The following EGFL8 variants were observed in gnomAD, a reference collection of about 807,000 sequenced individuals.
The protein encoded by EGFL8 is epidermal growth factor-like protein 8.
EGFL8 carries 32 observed loss-of-function variants against 39.4 expected under a neutral mutation model. That is an observed-to-expected ratio of 0.81 (90% CI 0.61 to 1.09). The LOEUF (loss-of-function observed/expected upper bound fraction) is 1.09. EGFL8 is among the 50% of genes least tolerant of loss of function. The probability of loss-of-function intolerance (pLI) is 0.00; values close to 1 mark genes in which losing one functional copy is unlikely to be tolerated. For synonymous variants in EGFL8, 177 were observed against 168.5 expected, an observed-to-expected ratio of 1.05 and a Z score of -0.39; for missense variants, 385 against 402.2, an observed-to-expected ratio of 0.96 and a Z score of 0.37.
At position 32,166,979 on chromosome 6, in the gene EGFL8, G is replaced by T. The variant is rs899336665; in HGVS notation, c.404G>T (p.Gly135Val). The change falls in exon 5 of 9, where the codon GGC becomes GTC. Residue 135 changes from glycine (G) to valine (V), a missense_variant. Coordinates refer to ENST00000333845, the MANE Select transcript of EGFL8 (RefSeq NM_030652.4). The surrounding 1 kb of genome is among the most constrained non-coding windows in gnomAD (Gnocchi z 7.3). ...CCTGACCAGTGCGAGTGCGCCCCCG[G>T]CTGGGGAGGGAAGCACTGTCATGTG... ...VRPDQCECAP[G>V]WGGKHCHVDV... 6.2e-7 allele frequency: 1 copy of T among 1,613,124 alleles called. No individual in the cohort carries two copies. Among genetic ancestry groups the T allele is most frequent in the South Asian group, 1.1e-5 (1 of 91,088 alleles).
rs1561835912 is a variant in EGFL8, at chr6:32,167,116, CT to C, written c.461del (p.Leu154ProfsTer21). ...GGATGAATGTAGGACCAGCATCACC[CT>C]CTGCTCGCACCATTGTTTTAATACG... is the stretch of plus-strand genomic sequence containing the variant. Reference protein sequence around the residue: ...DVDECRTSITLCSHHCFNTAG... With the variant: ...DVDECRTSITXCSHHCFNTAG... On this transcript the variant is annotated frameshift_variant, in exon 6 of 9. Coordinates refer to ENST00000333845, the MANE Select transcript of EGFL8 (RefSeq NM_030652.4). LOFTEE classifies it high-confidence loss of function. This position sits in a 1 kb window ranked among gnomAD's most constrained non-coding sequence, Gnocchi z 6.4. 1 of 1,613,138 alleles carries C rather than the reference CT, an allele frequency of 6.2e-7. No individual in the cohort carries two copies. The highest frequency in any genetic ancestry group is 1.3e-5 in the African/African-American group (1 of 75,072).
chr6:32,166,734 G>A lies in EGFL8; in HGVS notation c.258G>A (p.Arg86=), dbSNP rs577709421. The stretch of plus-strand genomic sequence containing the variant: ...ACCGCGTTATGTGGCGGGAGGTGAG[G>A]CGGGAGGTTCAGCAGACCCATGCAG... ...TMYRVMWREV[R]REVQQTHAVC... Residue 86 remains arginine (R), a synonymous_variant, in exon 4 of 9, where the codon AGG becomes AGA. Transcript: ENST00000333845. This position sits in a 1 kb window ranked among gnomAD's most constrained non-coding sequence, Gnocchi z 7.3. The A allele has an allele frequency of 1.5e-4, 231 of 1,592,218 alleles. 1 individual carries two copies. The South Asian group carries it at 2.5e-3, about 17-fold the overall frequency.
chr6:32,164,934 C>T lies in EGFL8; in HGVS notation c.-29+277C>T, dbSNP rs200542344. Among the ~76,000 whole-genome samples, 177 of 151,868 alleles carry T rather than the reference C, an allele frequency of 1.2e-3. No homozygotes were observed. Among genetic ancestry groups the T allele is most frequent in the Middle Eastern group, 3.4e-3 (1 of 294 alleles). ...GTTTGTTTTGTTTGTTTTTTTGAGA[C>T]GGAGTCTTGCTCTGTCGCCCAGGCT... On this transcript the variant is annotated intron_variant, in intron 1 of 8. Coordinates refer to ENST00000333845, the MANE Select transcript of EGFL8 (RefSeq NM_030652.4). This position sits in a 1 kb window ranked among gnomAD's most constrained non-coding sequence, Gnocchi z 5.4.
rs998924125 is a variant in EGFL8 at position 32,166,405 on chromosome 6, G to C, written c.102-93G>C. 5.0e-6 allele frequency: 8 copies of C among 1,596,186 alleles called. 1 individual carries two copies. The highest frequency in any genetic ancestry group is 4.0e-5 in the African/African-American group (3 of 74,510). On this transcript the variant is annotated intron_variant, in intron 2 of 8. Coordinates refer to ENST00000333845, the MANE Select transcript of EGFL8 (RefSeq NM_030652.4). This position sits in a 1 kb window ranked among gnomAD's most constrained non-coding sequence, Gnocchi z 7.3. Reference sequence around the variant, plus strand: ...CTGTCATCTGGAGGGAGAGCGGGGGGCCTCAGTAGCCTCTTGAGGGAAGTG... The same window carrying C: ...CTGTCATCTGGAGGGAGAGCGGGGGCCCTCAGTAGCCTCTTGAGGGAAGTG...
chr6:32,165,564 CA>C (rs377468586), intron 1 of EGFL8: 13 of 123,592 alleles, frequency 1.1e-4, no homozygotes, highest in African/African-American at 2.6e-4. Flanking sequence ...AAAACAACAA[CA>C]AAAAAAAAAC....
Position 32,166,873 on chromosome 6 carries a change from T to A in EGFL8, c.335-37T>A. The A allele has an allele frequency of 6.3e-7, 1 of 1,590,000 alleles. No individual in the cohort carries two copies. The highest frequency in any genetic ancestry group is 8.6e-7 in the Non-Finnish European group (1 of 1,166,446). ...CCCACGGAGCTGGGGAGCTGGGTCG[T>A]CGGTTTGAGTCTGAACCCCACTTCC... On this transcript the variant is annotated intron_variant, in intron 4 of 8. Transcript: ENST00000333845. This position sits in a 1 kb window ranked among gnomAD's most constrained non-coding sequence, Gnocchi z 7.3.
rs1440324987 is a variant in EGFL8, at chr6:32,167,618, G to A, written c.797G>A (p.Ser266Asn). 1 of 1,610,764 alleles carries A rather than the reference G, an allele frequency of 6.2e-7. No homozygotes were observed. The highest frequency in any genetic ancestry group is 2.2e-5 in the East Asian group (1 of 44,890). The change falls in exon 8 of 9, where the codon AGC (serine) becomes AAC (asparagine). Residue 266 changes from serine (S) to asparagine (N), a missense_variant. By Grantham distance (46) the Ser-to-Asn change is conservative. Transcript: ENST00000333845. This position sits in a 1 kb window ranked among gnomAD's most constrained non-coding sequence, Gnocchi z 6.4. ...CGGGGTGACCGGATCGAATCTCTCA[G>A]CGACCAGGTGCTGCTGCTGGAGGAG... is the stretch of plus-strand genomic sequence containing the variant. ...WGRGDRIESLSDQVLLLEERL... is the reference protein window; with the variant it reads ...WGRGDRIESLNDQVLLLEERL...
At position 32,167,979 on chromosome 6, in the gene EGFL8, C is replaced by T. The variant is rs1460808703; in HGVS notation, c.*23C>T. 2 of 1,613,478 alleles carry T rather than the reference C, an allele frequency of 1.2e-6. No individual in the cohort carries two copies. The highest frequency in any genetic ancestry group is 1.7e-6 in the Non-Finnish European group (2 of 1,179,520). On this transcript the variant is annotated 3_prime_UTR_variant, in exon 9 of 9. Coordinates refer to ENST00000333845, the MANE Select transcript of EGFL8 (RefSeq NM_030652.4). This position sits in a 1 kb window ranked among gnomAD's most constrained non-coding sequence, Gnocchi z 6.4. ...TAAGAAGCCTCTACAGCACCCCTGC[C>T]CCCTAATTTATACAGAAACCGGACC... is the stretch of plus-strand genomic sequence containing the variant.
intron 1 of EGFL8, chr6:32,165,865 G>A (rs1166680979): frequency 1.9e-6 from 1 of 526,750 alleles, no homozygotes; most frequent in Non-Finnish European, 3.4e-6. Flanking sequence ...CCTCCAGGTT[G>A]TGCAGAGGGG....
In EGFL8 at chr6:32,166,049, G is replaced by A. The variant is rs1784454282; in HGVS notation, c.-28-89G>A. The A allele has an allele frequency of 1.0e-6, 1 of 978,740 alleles. No individual in the cohort carries two copies. The highest frequency in any genetic ancestry group is 1.4e-5 in the South Asian group (1 of 73,988). The allele number at this position is 978,740 out of a possible 1,614,324, so 60.6% of individuals were successfully genotyped here. ...AGTGAATGTCCTGACTCCCTTAGAG[G>A]GTACCTGCAGAGTGCCCTTGGAGGG... On this transcript the variant is annotated intron_variant, in intron 1 of 8. Coordinates refer to ENST00000333845, the MANE Select transcript of EGFL8 (RefSeq NM_030652.4). This position sits in a 1 kb window ranked among gnomAD's most constrained non-coding sequence, Gnocchi z 7.3.
chr6:32,164,776 G>A lies in EGFL8; in HGVS notation c.-29+119G>A. The A allele has an allele frequency of 1.5e-6, 1 of 652,630 alleles. No homozygotes were observed. Among genetic ancestry groups the A allele is most frequent in the Non-Finnish European group, 2.8e-6 (1 of 351,412 alleles). The allele number at this position is 652,630 out of a possible 1,614,324, so 40.4% of individuals were successfully genotyped here. A position where few individuals can be genotyped will look rare whatever the true frequency, so the allele number is the denominator to read the frequency against. On this transcript the variant is annotated intron_variant, in intron 1 of 8. Transcript: ENST00000333845. This position sits in a 1 kb window ranked among gnomAD's most constrained non-coding sequence, Gnocchi z 5.4. ...TGCGGGGTGTTTTGTTGGAGCAAGG[G>A]ATGTGCATTTAGGGCGTTATGTGAC...
chr6:32,167,887 G>T lies in EGFL8; in HGVS notation c.836-23G>T. ...CCACTCCAGGCTGACCACAGCCACT[G>T]TGTCTGCCATGTCATTAACCAGGCT... On this transcript the variant is annotated intron_variant, in intron 8 of 8. Coordinates refer to ENST00000333845, the MANE Select transcript of EGFL8 (RefSeq NM_030652.4). This position sits in a 1 kb window ranked among gnomAD's most constrained non-coding sequence, Gnocchi z 6.4. 1.2e-6 allele frequency: 2 copies of T among 1,613,446 alleles called. No homozygotes were observed. The highest frequency in any genetic ancestry group is 1.7e-6 in the Non-Finnish European group (2 of 1,179,328).
rs537573019 is a variant in EGFL8, at chr6:32,167,607, C to G, written c.786C>G (p.Ile262Met). The G allele has an allele frequency of 2.5e-6, 4 of 1,611,278 alleles. No individual in the cohort carries two copies. In the Admixed American group the frequency reaches 5.0e-5, roughly 20 times the overall value. ...VAELWGRGDR[I>M]ESLSDQVLLL... is the part of the protein sequence containing the mutation. The stretch of plus-strand genomic sequence containing the variant: ...AGCTGTGGGGCCGGGGTGACCGGAT[C>G]GAATCTCTCAGCGACCAGGTGCTGC... Residue 262 changes from isoleucine to methionine, a missense_variant, in exon 8 of 9, where the codon ATC becomes ATG. Ile to Met is a conservative substitution (Grantham distance 10, BLOSUM62 1). Transcript: ENST00000333845. The surrounding 1 kb of genome is among the most constrained non-coding windows in gnomAD (Gnocchi z 6.4).
chr6:32,167,163 C>G lies in EGFL8; in HGVS notation c.507C>G (p.Gly169=), dbSNP rs542801220. 1.2e-6 allele frequency: 2 copies of G among 1,613,094 alleles called. No individual in the cohort carries two copies. The highest frequency in any genetic ancestry group is 2.7e-5 in the African/African-American group (2 of 75,068). ...CFNTAGSFTC[G]CPHDLVLGVD... is the part of the protein sequence containing the mutation. Reference sequence around the variant, plus strand: ...ATACGGCAGGCAGCTTCACCTGCGGCTGCCCCCATGACCTAGTGCTAGGCG... The same window carrying G: ...ATACGGCAGGCAGCTTCACCTGCGGGTGCCCCCATGACCTAGTGCTAGGCG... The change falls in exon 6 of 9, where the codon GGC becomes GGG. Residue 169 remains glycine, a synonymous_variant. Transcript: ENST00000333845. This position sits in a 1 kb window ranked among gnomAD's most constrained non-coding sequence, Gnocchi z 6.4.
chr6:32,167,429 G>A lies in EGFL8; in HGVS notation c.681G>A (p.Gln227=), dbSNP rs561389157. 1.9e-6 allele frequency: 3 copies of A among 1,612,868 alleles called. No individual in the cohort carries two copies. The highest frequency in any genetic ancestry group is 3.3e-5 in the Admixed American group (2 of 60,036). Residue 227 remains glutamine (Q), a splice_region_variant and synonymous_variant, in exon 7 of 9, where the codon CAG becomes CAA. Coordinates refer to ENST00000333845, the MANE Select transcript of EGFL8 (RefSeq NM_030652.4). The surrounding 1 kb of genome is among the most constrained non-coding windows in gnomAD (Gnocchi z 6.4). The part of the protein sequence containing the change: ...ELRGRLERLE[Q]WAGQAGAWVR... ...GAGGGCGCCTGGAGCGGCTGGAGCA[G>A]GTGAGCCAAGCCTGCTGGGTGGGGC...
rs370079247 is a variant in EGFL8, at chr6:32,167,141, C to T, written c.485C>T (p.Thr162Met). 8.3e-5 allele frequency: 134 copies of T among 1,612,968 alleles called. No homozygotes were observed. The highest frequency in any genetic ancestry group is 1.6e-4 in the Middle Eastern group (1 of 6,084). ...CTCTGCTCGCACCATTGTTTTAATA[C>T]GGCAGGCAGCTTCACCTGCGGCTGC... Reference protein sequence around the residue: ...ITLCSHHCFNTAGSFTCGCPH... With the variant: ...ITLCSHHCFNMAGSFTCGCPH... Residue 162 changes from threonine to methionine, a missense_variant, in exon 6 of 9, where the codon ACG becomes ATG. By Grantham distance (81) the Thr-to-Met change is moderately conservative. Coordinates refer to ENST00000333845, the MANE Select transcript of EGFL8 (RefSeq NM_030652.4). The surrounding 1 kb of genome is among the most constrained non-coding windows in gnomAD (Gnocchi z 6.4).
Position 32,166,222 on chromosome 6 carries a change from A to G in EGFL8, c.57A>G (p.Leu19=). 1 of 1,614,076 alleles carries G rather than the reference A, an allele frequency of 6.2e-7. No homozygotes were observed. The highest frequency in any genetic ancestry group is 1.3e-5 in the African/African-American group (1 of 74,992). ...TLLGGFSFLL[L]LIPGEGAKGG... ...TAGGCGGATTCTCCTTCCTCCTGCT[A>G]CTGATACCAGGCGAGGGGGCCAAGG... is the stretch of plus-strand genomic sequence containing the variant. Residue 19 remains leucine (L), a synonymous_variant, in exon 2 of 9, where the codon CTA becomes CTG. Transcript: ENST00000333845. The surrounding 1 kb of genome is among the most constrained non-coding windows in gnomAD (Gnocchi z 7.3).
Position 32,166,737 on chromosome 6 carries a change from G to A in EGFL8, c.261G>A (p.Arg87=). 1 of 1,590,624 alleles carries A rather than the reference G, an allele frequency of 6.3e-7. No individual in the cohort carries two copies. The highest frequency in any genetic ancestry group is 8.6e-7 in the Non-Finnish European group (1 of 1,166,108). ...GCGTTATGTGGCGGGAGGTGAGGCG[G>A]GAGGTTCAGCAGACCCATGCAGTGT... ...MYRVMWREVR[R]EVQQTHAVCC... The change falls in exon 4 of 9, where the codon CGG becomes CGA. Residue 87 remains arginine, a synonymous_variant. Coordinates refer to ENST00000333845, the MANE Select transcript of EGFL8 (RefSeq NM_030652.4). This position sits in a 1 kb window ranked among gnomAD's most constrained non-coding sequence, Gnocchi z 7.3.
Position 32,167,520 on chromosome 6 carries a change from G to T in EGFL8, c.699G>T (p.Gly233=), listed in dbSNP as rs1355978852. Residue 233 remains glycine, a synonymous_variant, in exon 8 of 9, where the codon GGG becomes GGT. Transcript: ENST00000333845. The surrounding 1 kb of genome is among the most constrained non-coding windows in gnomAD (Gnocchi z 6.4). ...ERLEQWAGQA[G]AWVRAVLPVP... is the part of the protein sequence containing the mutation. ...CTTTCTAGTGGGCCGGTCAGGCTGG[G>T]GCCTGGGTCAGAGCGGTGCTGCCCG... The T allele has an allele frequency of 6.2e-6, 10 of 1,607,852 alleles. No individual in the cohort carries two copies. Among genetic ancestry groups the T allele is most frequent in the Non-Finnish European group, 7.6e-6 (9 of 1,179,522 alleles).
Sources: allele counts gnomAD v4.1 joint callset (sites outside exome capture counted in the v4.1 genomes callset), GRCh38; gene constraint gnomAD v4.1.1; non-coding constraint Gnocchi (gnomAD v3.1); transcripts MANE v1.5; gene names NCBI Gene and HGNC (gene_info 2026-07-23, HGNC 2026-07-21).